DCDC1: variants seen among roughly 807,000 people sequenced by gnomAD.
DCDC1 encodes the protein doublecortin domain-containing protein 1.
Under a neutral mutation model 178.3 loss-of-function variants are expected in DCDC1, and 200 were observed. The observed-to-expected ratio is 1.12, with a 90% confidence interval of 1.00 to 1.26. The LOEUF is 1.26. DCDC1 is among the 50% of genes most tolerant of loss of function. The probability of loss-of-function intolerance (pLI) is 0.00; values close to 1 mark genes in which losing one functional copy is unlikely to be tolerated. For missense variants in DCDC1, 1,983 were observed against 1,749.2 expected (o/e 1.13, Z -2.38); for synonymous variants, 690 against 604.8 (o/e 1.14, Z -2.07).
intron 22 of DCDC1, among the ~76,000 whole-genome samples, chr11:30,926,625 A>G (rs1488658660): frequency 6.6e-6 from 1 of 152,258 alleles, no homozygotes; most frequent in East Asian, 1.9e-4. Context: ...TTCTTGCTAA[A>G]TATATTTTGT....
chr11:30,913,077 T>C lies in DCDC1; in HGVS notation c.3654-1657A>G, dbSNP rs1384443045. Reference sequence around the variant, plus strand: ...TCGCTGTACAAACACACTTCTGCCATGGGACATATATTGTTCTGAATCATG... The same window carrying C: ...TCGCTGTACAAACACACTTCTGCCACGGGACATATATTGTTCTGAATCATG... On this transcript the variant is annotated intron_variant, in intron 27 of 38. Transcript: ENST00000684477. Among the ~76,000 whole-genome samples the C allele has an allele frequency of 4.6e-5, 7 of 152,302 alleles. No individual in the cohort carries two copies. The East Asian group carries it at 1.4e-3, about 29-fold the overall frequency.
At chr11:31,346,482 A>G (rs1305316238) in intron 1 of DCDC1, among the ~76,000 whole-genome samples, 3 of 151,358 alleles carry the variant, frequency 2.0e-5, no homozygotes, top group South Asian at 2.1e-4. Context: ...AAAAAAAAAA[A>G]AAAAAAGAAA....
intron 3 of DCDC1, among the ~76,000 whole-genome samples, chr11:31,311,606 G>A (rs939138446): frequency 3.3e-5 from 5 of 152,132 alleles, no homozygotes; most frequent in Admixed American, 1.3e-4. Context: ...CCCAGTCTCT[G>A]GACCATCTGG....
At chr11:31,221,806 A>G (rs1974306220) in intron 9 of DCDC1, among the ~76,000 whole-genome samples, 1 of 152,132 alleles carries the variant, frequency 6.6e-6, no homozygotes, top group Non-Finnish European at 1.5e-5. Flanking sequence ...TAGGCTAAGA[A>G]TTTTCTAAAT....
chr11:30,972,025 G>A (rs1312628885), intron 20 of DCDC1, among the ~76,000 whole-genome samples: 1 of 152,086 alleles, frequency 6.6e-6, no homozygotes, highest in Non-Finnish European at 1.5e-5. Context: ...AGTGTCCCAG[G>A]AGGCAAATAG....
intron 11 of DCDC1, among the ~76,000 whole-genome samples, chr11:31,124,345 C>T (rs1254243355): frequency 6.6e-6 from 1 of 151,676 alleles, no homozygotes; most frequent in Non-Finnish European, 1.5e-5. Flanking sequence ...TATGTTGAAC[C>T]AGCCATACTC....
intron 20 of DCDC1, among the ~76,000 whole-genome samples, chr11:31,039,940 G>A (rs574451426): frequency 6.6e-5 from 10 of 152,052 alleles, no homozygotes; most frequent in South Asian, 2.1e-4. Context: ...TTATTGAGGT[G>A]GCTACAATCA....
intron 38 of DCDC1, among the ~76,000 whole-genome samples, chr11:30,873,364 T>TATAGAGAG (rs1228106379): frequency 5.8e-5 from 8 of 137,084 alleles, no homozygotes; most frequent in African/African-American, 2.2e-4. Flanking sequence ...TATATATATA[T>TATAGAGAG]AGAGAGAGAG....
chr11:31,038,492 G>C (rs576285836), intron 20 of DCDC1, among the ~76,000 whole-genome samples: 1 of 152,248 alleles, frequency 6.6e-6, no homozygotes, highest in Admixed American at 6.5e-5. Context: ...GACTTGAGGA[G>C]ACTCTGGGAT....
chr11:31,050,938 A>G (rs566859287), intron 20 of DCDC1, among the ~76,000 whole-genome samples: 1 of 152,250 alleles, frequency 6.6e-6, no homozygotes, highest in South Asian at 2.1e-4. Flanking sequence ...AACACCCCCA[A>G]AAAACCACAC....
chr11:31,128,995 A>T (rs1264870162), intron 10 of DCDC1, among the ~76,000 whole-genome samples: 1 of 152,040 alleles, frequency 6.6e-6, no homozygotes, highest in Non-Finnish European at 1.5e-5. Context: ...AAAATGGAAA[A>T]TCCTTCTACA....
intron 10 of DCDC1, among the ~76,000 whole-genome samples, chr11:31,132,506 T>C (rs1289921634): frequency 6.6e-6 from 1 of 152,188 alleles, no homozygotes; most frequent in African/African-American, 2.4e-5. Context: ...TGAATCTTTT[T>C]TTTTCTTCAA....
rs71060478 is a variant in DCDC1 at position 31,157,372 on chromosome 11, A to AAAATATAT, written c.1222-19589_1222-19588insATATATTT. ...CCCTTTCTCAAAAAAAAAAAAAAAA[A>AAAATATAT]ATATATATATATATACATATATATA... On this transcript the variant is annotated intron_variant, in intron 9 of 38. Coordinates refer to ENST00000684477, the MANE Select transcript of DCDC1 (RefSeq NM_001387274.1). 3.7e-4 allele frequency among the ~76,000 whole-genome samples: 36 copies of AAAATATAT among 96,866 alleles called. 1 individual carries two copies. Among genetic ancestry groups the AAAATATAT allele is most frequent in the South Asian group, 2.6e-3 (6 of 2,328 alleles). The allele number at this position is 96,866 out of a possible 152,430, so 63.5% of individuals were successfully genotyped here. A position where few individuals can be genotyped will look rare whatever the true frequency, so the allele number is the denominator to read the frequency against.
rs909686772 is a variant in DCDC1, at chr11:31,342,169, A to C, written c.-124-6605T>G. On this transcript the variant is annotated intron_variant, in intron 1 of 38. Coordinates refer to ENST00000684477, the MANE Select transcript of DCDC1 (RefSeq NM_001387274.1). ...AGTTAACACCTAAGGTTCACAGATA[A>C]TCTACAGGAGATGGGAAGCTCAAAG... Among the ~76,000 whole-genome samples, 4 of 152,210 alleles carry C rather than the reference A, an allele frequency of 2.6e-5. No homozygotes were observed. The South Asian group carries it at 8.3e-4, about 31-fold the overall frequency.
chr11:31,094,431 C>A (rs1203903376), intron 15 of DCDC1, among the ~76,000 whole-genome samples: 1 of 152,064 alleles, frequency 6.6e-6, no homozygotes, highest in Non-Finnish European at 1.5e-5. Flanking sequence ...CCCAAAGAAA[C>A]ATACAACAGA....
Position 31,274,599 on chromosome 11 carries a change from A to C in DCDC1, c.961-8999T>G, listed in dbSNP as rs1945837501. Among the ~76,000 whole-genome samples the C allele has an allele frequency of 5.3e-5, 8 of 151,286 alleles. No individual in the cohort carries two copies. The South Asian group carries it at 1.7e-3, about 32-fold the overall frequency. Reference sequence around the variant, plus strand: ...GATGTATTCCAGGAATCGAAAGGTCAGCATATGAAAGGGGAGAGTAGCCTC... The same window carrying C: ...GATGTATTCCAGGAATCGAAAGGTCCGCATATGAAAGGGGAGAGTAGCCTC... On this transcript the variant is annotated intron_variant, in intron 7 of 38. Coordinates refer to ENST00000684477, the MANE Select transcript of DCDC1 (RefSeq NM_001387274.1).
intron 9 of DCDC1, among the ~76,000 whole-genome samples, chr11:31,192,449 T>A (rs919931790): frequency 2.0e-5 from 3 of 152,110 alleles, no homozygotes; most frequent in African/African-American, 7.2e-5. Flanking sequence ...GAAGTCCCCA[T>A]ATGCACCACT....
intron 1 of DCDC1, among the ~76,000 whole-genome samples, chr11:31,355,168 G>A (rs1483205789): frequency 6.6e-6 from 1 of 152,134 alleles, no homozygotes; most frequent in Non-Finnish European, 1.5e-5. Flanking sequence ...CTTGAAACTT[G>A]AAGAGTGTGA....
chr11:31,250,223 A>G (rs529033673), intron 8 of DCDC1, among the ~76,000 whole-genome samples: 2 of 151,562 alleles, frequency 1.3e-5, no homozygotes, highest in South Asian at 2.1e-4. Context: ...TCCTCTATTT[A>G]GAATTCATGA....
Sources: gnomAD v4.1 joint callset for allele counts (sites outside exome capture counted in the v4.1 genomes callset) on GRCh38, gnomAD v4.1.1 for gene constraint, MANE v1.5 for transcripts, NCBI Gene and HGNC (gene_info 2026-07-23, HGNC 2026-07-21) for gene names.